Variants in AGK observed in about 807,000 individuals in gnomAD.
AGK encodes the protein acylglycerol kinase, also known as acylglycerol kinase, mitochondrial.
AGK carries 52 observed loss-of-function variants against 66.4 expected under a neutral mutation model. The ratio of observed to expected loss-of-function variants is 0.78; its 90% CI spans 0.63 to 0.99. The LOEUF (loss-of-function observed/expected upper bound fraction) is 0.99, where lower values mean the gene tolerates loss of function less well. AGK is among the 50% of genes least tolerant of loss of function. The probability of loss-of-function intolerance (pLI) is 0.00; values close to 1 mark genes in which losing one functional copy is unlikely to be tolerated. For synonymous variants in AGK, 182 were observed against 181.1 expected (o/e 1.00, Z -0.04); for missense variants, 451 against 506.6 (o/e 0.89, Z 1.05).
chr7:141,619,013 A>G (rs1413179035), intron 8 of AGK, among the ~76,000 whole-genome samples: 1 of 152,162 alleles, frequency 6.6e-6, no homozygotes. Flanking sequence ...TAAGATTTAT[A>G]TGATGGAAAC....
chr7:141,649,837 GTCC>G (rs543835323), intron 14 of AGK, among the ~76,000 whole-genome samples: 179 of 152,356 alleles, frequency 1.2e-3, no homozygotes, highest in African/African-American at 3.9e-3. Context: ...AGTTCACCAT[GTCC>G]TCCTATTCCC....
rs537919980 is a variant in AGK at position 141,622,280 on chromosome 7, C to T, written c.588+479C>T. On this transcript the variant is annotated intron_variant, in intron 9 of 15. Transcript: ENST00000649286. ...TAATTTTAACTACTTTTTGATTTAT[C>T]ACTTTTAGACCTTATCTTTGACCTC... 3.9e-5 allele frequency among the ~76,000 whole-genome samples: 6 copies of T among 152,168 alleles called. No individual in the cohort carries two copies. The South Asian group carries it at 1.2e-3, about 32-fold the overall frequency.
intron 9 of AGK, among the ~76,000 whole-genome samples, chr7:141,631,300 A>C (rs1255217842): frequency 6.6e-6 from 1 of 152,186 alleles, no homozygotes; most frequent in Non-Finnish European, 1.5e-5. Flanking sequence ...CTGTTTTCAG[A>C]GGTAGAAGCC....
chr7:141,652,690 T>C, intron 15 of AGK, 97 bp from the exon 16 acceptor site: 1 of 1,340,762 alleles, frequency 7.5e-7, no homozygotes, highest in Non-Finnish European at 1.0e-6. Flanking sequence ...AGGATGTTGT[T>C]TTCCATAATG....
Position 141,601,197 on chromosome 7 carries a change from G to A in AGK, c.222-8G>A, listed in dbSNP as rs1796332937. The A allele has an allele frequency of 6.2e-7, 1 of 1,602,130 alleles. No individual in the cohort carries two copies. The highest frequency in any genetic ancestry group is 1.1e-5 in the South Asian group (1 of 89,754). On this transcript the variant is annotated splice_polypyrimidine_tract_variant and splice_region_variant and intron_variant, in intron 4 of 15. Transcript: ENST00000649286. The stretch of plus-strand genomic sequence containing the variant: ...TTAAAATGTTTATATTTTTTCCTTT[G>A]TTAACAGAAAAGCCAGGACTCTATT...
Position 141,598,870 on chromosome 7 carries a change from C to T in AGK, c.221+2229C>T, listed in dbSNP as rs1796284320. 6.6e-6 allele frequency: 1 copy of T among 152,086 alleles called. No individual in the cohort carries two copies. The allele number at this position is 152,086 out of a possible 1,614,324, so 9.4% of individuals were successfully genotyped here. A position where few individuals can be genotyped will look rare whatever the true frequency, so the allele number is the denominator to read the frequency against. On this transcript the variant is annotated intron_variant, in intron 4 of 15. Coordinates refer to ENST00000649286, the MANE Select transcript of AGK (RefSeq NM_018238.4). This position sits in a 1 kb window ranked among gnomAD's most constrained non-coding sequence, Gnocchi z 4.2. ...AACCAGTTATTTTGAGTTCCTGCTT[C>T]TAAGAGGTATCTACATTTTTAAAAT...
intron 2 of AGK, among the ~76,000 whole-genome samples, chr7:141,580,717 G>A (rs1795864255): frequency 6.6e-6 from 1 of 152,026 alleles, no homozygotes; most frequent in Non-Finnish European, 1.5e-5. Flanking sequence ...CAGACCATGA[G>A]GGCTAGGCTA....
intron 5 of AGK, among the ~76,000 whole-genome samples, chr7:141,602,459 T>G (rs981102475): frequency 6.6e-6 from 1 of 152,176 alleles, no homozygotes; most frequent in African/African-American, 2.4e-5. Flanking sequence ...TTCATCTAAA[T>G]TTTCAAATTA....
At chr7:141,633,313 A>G (rs1017872378) in intron 9 of AGK, among the ~76,000 whole-genome samples, 1 of 152,094 alleles carries the variant, frequency 6.6e-6, no homozygotes, top group African/African-American at 2.4e-5. Flanking sequence ...TGTATTGTGC[A>G]TTTTTTCTAT....
intron 2 of AGK, among the ~76,000 whole-genome samples, chr7:141,584,888 G>A (rs1195740811): frequency 1.3e-5 from 2 of 152,184 alleles, no homozygotes; most frequent in African/African-American, 2.4e-5. Flanking sequence ...ATATATGGTT[G>A]TCAATAGGAT....
intron 5 of AGK, among the ~76,000 whole-genome samples, chr7:141,608,615 A>G (rs772931370): frequency 6.6e-6 from 1 of 152,182 alleles, no homozygotes; most frequent in African/African-American, 2.4e-5. Flanking sequence ...ATTGCCTAAG[A>G]AAAGGCTGAA....
intron 2 of AGK, chr7:141,562,079 T>C (rs1347411850): frequency 2.2e-6 from 1 of 456,130 alleles, no homozygotes; most frequent in Non-Finnish European, 4.4e-6. Flanking sequence ...GGGAATGATG[T>C]AGACTCTGTG....
chr7:141,565,121 C>G (rs557012906), intron 2 of AGK, among the ~76,000 whole-genome samples: 1 of 152,094 alleles, frequency 6.6e-6, no homozygotes, highest in Non-Finnish European at 1.5e-5. Flanking sequence ...ATATTCTCTT[C>G]CTGCATGATC....
intron 9 of AGK, among the ~76,000 whole-genome samples, chr7:141,632,974 AC>A (rs1438556713): frequency 1.3e-5 from 2 of 152,080 alleles, no homozygotes; most frequent in Non-Finnish European, 2.9e-5. Flanking sequence ...AAGCACTCTT[AC>A]CCTTGCGGAG....
chr7:141,580,058 A>G (rs932134559), intron 2 of AGK, among the ~76,000 whole-genome samples: 3 of 152,012 alleles, frequency 2.0e-5, no homozygotes, highest in Non-Finnish European at 2.9e-5. Context: ...GAAGTAAAGC[A>G]GACTTGAGAA....
At chr7:141,579,202 G>A (rs1795824185) in intron 2 of AGK, among the ~76,000 whole-genome samples, 1 of 152,034 alleles carries the variant, frequency 6.6e-6, no homozygotes, top group Non-Finnish European at 1.5e-5. Context: ...AGAAGGCAAA[G>A]TGGTAAAAGT....
intron 2 of AGK, among the ~76,000 whole-genome samples, chr7:141,564,396 C>T (rs1329536077): frequency 1.3e-5 from 2 of 152,156 alleles, no homozygotes; most frequent in African/African-American, 2.4e-5. Context: ...TCCTCCTTCA[C>T]ATGATGACAG....
At chr7:141,651,788 C>T (rs1410943433) in intron 15 of AGK, among the ~76,000 whole-genome samples, 179 bp downstream of exon 15, 1 of 152,218 alleles carries the variant, frequency 6.6e-6, no homozygotes, top group Admixed American at 6.5e-5. Flanking sequence ...ATGGCAGAAT[C>T]TCCTTGGGAG....
At chr7:141,629,607 A>G (rs1797012472) in intron 9 of AGK, among the ~76,000 whole-genome samples, 2 of 152,110 alleles carry the variant, frequency 1.3e-5, no homozygotes, top group African/African-American at 2.4e-5. Flanking sequence ...TCCTATGCCC[A>G]TCTGGAATAC....
Sources: allele counts gnomAD v4.1 joint callset (sites outside exome capture counted in the v4.1 genomes callset), GRCh38; gene constraint gnomAD v4.1.1; non-coding constraint Gnocchi (gnomAD v3.1); transcripts MANE v1.5; gene names NCBI Gene and HGNC (gene_info 2026-07-23, HGNC 2026-07-21).